The following PRDM6 variants were observed in gnomAD, a reference collection of about 807,000 sequenced individuals.
PRDM6 encodes the protein putative histone-lysine N-methyltransferase PRDM6.
A neutral mutation model predicts 60.8 loss-of-function variants in PRDM6; 25 were observed. The ratio of observed to expected loss-of-function variants is 0.41; its 90% CI spans 0.30 to 0.57. The LOEUF (loss-of-function observed/expected upper bound fraction) is 0.57, where lower values mean the gene tolerates loss of function less well. Ranked by LOEUF, PRDM6 falls within the 20% of genes least tolerant of loss-of-function variation. The pLI is 0.27. For synonymous variants in PRDM6, 407 were observed against 357.4 expected, an observed-to-expected ratio of 1.14 and a Z score of -1.57; for missense variants, 839 against 821.3, an observed-to-expected ratio of 1.02 and a Z score of -0.26.
intron 3 of PRDM6, among the ~76,000 whole-genome samples, chr5:123,151,071 A>C (rs1765359182): frequency 6.6e-6 from 1 of 152,194 alleles, no homozygotes; most frequent in Admixed American, 6.5e-5. Flanking sequence ...TTACTTCGGC[A>C]TGCATTGGGT....
chr5:123,149,380 A>C (rs1483733224), intron 3 of PRDM6, among the ~76,000 whole-genome samples: 1 of 152,186 alleles, frequency 6.6e-6, no homozygotes, highest in East Asian at 1.9e-4. Flanking sequence ...GTGTTCATGC[A>C]GGAATATGGC....
chr5:123,158,417 T>C (rs1015078044), intron 4 of PRDM6, among the ~76,000 whole-genome samples: 2 of 152,200 alleles, frequency 1.3e-5, no homozygotes, highest in South Asian at 2.1e-4. Context: ...TTGTCAGATA[T>C]TCATAGAATG....
Position 123,125,608 on chromosome 5 carries a change from G to A in PRDM6, c.900+25647G>A, listed in dbSNP as rs552214181. On this transcript the variant is annotated intron_variant, in intron 3 of 7. Transcript: ENST00000407847. ...GTGCTTGATAGGTTCAAGGCAGAAT[G>A]TAAGCAAGGATACTCTTGGCTGGGG... Among the ~76,000 whole-genome samples, 4 of 152,316 alleles carry A rather than the reference G, an allele frequency of 2.6e-5. 1 individual carries two copies. Among genetic ancestry groups the A allele is most frequent in the African/African-American group, 9.6e-5 (4 of 41,568 alleles).
Position 123,159,516 on chromosome 5 carries a change from C to A in PRDM6, c.1031C>A (p.Ser344Ter). Residue 344 changes from serine to a stop codon, truncating the protein, a stop_gained and splice_region_variant, in exon 5 of 8, where the codon TCG becomes TAG. Transcript: ENST00000407847. LOFTEE classifies it high-confidence loss of function. ...GGGTTTTCTTTTGTTTTGAATAGGT[C>A]GAATATATTCTACCGAGCCTGTATA... is the stretch of plus-strand genomic sequence containing the variant. ...EQNLTVVQYR[S>*]NIFYRACIDI... is the part of the protein sequence containing the mutation. The A allele has an allele frequency of 6.4e-7, 1 of 1,550,928 alleles. No individual in the cohort carries two copies. Among genetic ancestry groups the A allele is most frequent in the Non-Finnish European group, 8.7e-7 (1 of 1,146,594 alleles).
chr5:123,112,659 A>G (rs148203992), intron 3 of PRDM6, among the ~76,000 whole-genome samples: 3 of 152,176 alleles, frequency 2.0e-5, no homozygotes, highest in African/African-American at 7.2e-5. Context: ...CATTGTTTCA[A>G]ACTGAGTTCA....
chr5:123,128,724 G>C (rs1192752153), intron 3 of PRDM6, among the ~76,000 whole-genome samples: 1 of 152,150 alleles, frequency 6.6e-6, no homozygotes, highest in Admixed American at 6.6e-5. Flanking sequence ...TAGGTTACCT[G>C]TTCATTCTGT....
chr5:123,117,023 G>A (rs865914865), intron 3 of PRDM6, among the ~76,000 whole-genome samples: 4 of 152,090 alleles, frequency 2.6e-5, no homozygotes, highest in South Asian at 2.1e-4. Flanking sequence ...ACCCTAATAA[G>A]CTGGCTCTGC....
chr5:123,139,646 GTGTGTGGCC>G (rs780102203), intron 3 of PRDM6, among the ~76,000 whole-genome samples: 2 of 152,164 alleles, frequency 1.3e-5, no homozygotes, highest in Non-Finnish European at 1.5e-5. Context: ...GTCACTCACT[GTGTGTGGCC>G]TGTGCTGGAC....
chr5:123,159,759 T>C (rs1051901376), intron 5 of PRDM6, 121 bp downstream of exon 5: 2 of 948,026 alleles, frequency 2.1e-6, no homozygotes, highest in Admixed American at 2.5e-5. Flanking sequence ...CACAAACATA[T>C]ACAAGTCTAT....
intron 2 of PRDM6, among the ~76,000 whole-genome samples, chr5:123,095,552 G>C (rs1461276240): frequency 6.6e-6 from 1 of 152,262 alleles, no homozygotes; most frequent in African/African-American, 2.4e-5. Context: ...GCACTCCCGG[G>C]TCCTAGTCGC....
rs73796836 is a variant in PRDM6 at position 123,132,572 on chromosome 5, A to G, written c.901-23312A>G. On this transcript the variant is annotated intron_variant, in intron 3 of 7. Transcript: ENST00000407847. ...CACTCTCCAAGTGTGTTGACATTTCAGGAAGTCTTGAATGTTGCTAAATGC... is the reference window on the plus strand; with the variant it reads ...CACTCTCCAAGTGTGTTGACATTTCGGGAAGTCTTGAATGTTGCTAAATGC... 7.4e-3 allele frequency among the ~76,000 whole-genome samples: 1,130 copies of G among 152,254 alleles called. 18 individuals are homozygous for G. The highest frequency in any genetic ancestry group is 0.025 in the African/African-American group (1,057 of 41,558).
chr5:123,147,289 G>A (rs1765265805), intron 3 of PRDM6, among the ~76,000 whole-genome samples: 1 of 151,772 alleles, frequency 6.6e-6, no homozygotes, highest in African/African-American at 2.4e-5. Context: ...AAGAGAGAGA[G>A]AGAGAGAGAG....
chr5:123,147,279 A>AGAG (rs1561853112), intron 3 of PRDM6, among the ~76,000 whole-genome samples: 257 of 147,580 alleles, frequency 1.7e-3, no homozygotes, highest in Middle Eastern at 7.2e-3. Flanking sequence ...TGATACTAAA[A>AGAG]AGAGAGAGAG....
chr5:123,137,486 A>AGT (rs1467309301), intron 3 of PRDM6, among the ~76,000 whole-genome samples: 2 of 152,196 alleles, frequency 1.3e-5, no homozygotes, highest in Non-Finnish European at 2.9e-5. Context: ...TGTTTCCCAA[A>AGT]GTGTGGTAAG....
chr5:123,170,725 G>A, intron 5 of PRDM6, 41 bp from the exon 6 acceptor site: 6 of 1,325,132 alleles, frequency 4.5e-6, no homozygotes, highest in Non-Finnish European at 6.2e-6. Flanking sequence ...TATTTTAAAG[G>A]CTAATAAAAC....
At chr5:123,091,676 T>G (rs950852615) in intron 2 of PRDM6, among the ~76,000 whole-genome samples, 1 of 152,256 alleles carries the variant, frequency 6.6e-6, no homozygotes, top group African/African-American at 2.4e-5. Flanking sequence ...CTTCTGGAGA[T>G]AACATTAAAG....
At chr5:123,094,453 T>TCTCTCTCTCTCTCTCC (rs1275861391) in intron 2 of PRDM6, among the ~76,000 whole-genome samples, 7 of 149,890 alleles carry the variant, frequency 4.7e-5, no homozygotes, top group Non-Finnish European at 1.0e-4. Context: ...TCTCTCTCTC[T>TCTCTCTCTCTCTCTCC]CTCTCGCGTG....
intron 3 of PRDM6, among the ~76,000 whole-genome samples, chr5:123,147,268 C>T (rs1350221556): frequency 7.3e-6 from 1 of 136,964 alleles, no homozygotes; most frequent in Non-Finnish European, 1.6e-5. Flanking sequence ...TACATTAACA[C>T]TGATACTAAA....
chr5:123,101,962 A>G (rs163040), intron 3 of PRDM6, among the ~76,000 whole-genome samples: 25,041 of 152,196 alleles, frequency 0.16, 2,262 homozygotes, highest in Non-Finnish European at 0.21. Flanking sequence ...TCTATTGTTC[A>G]GGGCATGTGA....
Sources: allele counts gnomAD v4.1 joint callset (sites outside exome capture counted in the v4.1 genomes callset), GRCh38; gene constraint gnomAD v4.1.1; transcripts MANE v1.5; gene names NCBI Gene and HGNC (gene_info 2026-07-23, HGNC 2026-07-21).